The following TRAK2 variants were observed in gnomAD, a reference collection of about 807,000 sequenced individuals.
TRAK2 encodes trafficking kinesin protein 2, also known as trafficking kinesin-binding protein 2.
Under a neutral mutation model 104.6 loss-of-function variants are expected in TRAK2, and 81 were observed. That is an observed-to-expected ratio of 0.77 (90% CI 0.65 to 0.93). The LOEUF (loss-of-function observed/expected upper bound fraction) is 0.93. TRAK2 is among the 40% of genes least tolerant of loss of function. The pLI is 0.00. For missense variants in TRAK2, 1,002 were observed against 1,089.0 expected, an observed-to-expected ratio of 0.92 and a Z score of 1.12; for synonymous variants, 406 against 394.4, an observed-to-expected ratio of 1.03 and a Z score of -0.35.
At position 201,426,824 on chromosome 2, in the gene TRAK2, T is replaced by C. The variant is rs550993786; in HGVS notation, c.-199-6118A>G. 3.3e-5 allele frequency among the ~76,000 whole-genome samples: 5 copies of C among 152,332 alleles called. No individual in the cohort carries two copies. In the South Asian group the frequency reaches 1.0e-3, roughly 32 times the overall value. Reference sequence around the variant, plus strand: ...TTCCTGGAGACTTTTTAGATCTAAATAAGCCCTTTGGACATGCCCTGTCTA... The same window carrying C: ...TTCCTGGAGACTTTTTAGATCTAAACAAGCCCTTTGGACATGCCCTGTCTA... On this transcript the variant is annotated intron_variant, in intron 1 of 15. Transcript: ENST00000332624.
At chr2:201,430,413 C>A (rs1416964646) in intron 1 of TRAK2, among the ~76,000 whole-genome samples, 2 of 152,244 alleles carry the variant, frequency 1.3e-5, no homozygotes, top group Non-Finnish European at 2.9e-5. Context: ...TTCAGCTATG[C>A]CCTGTCCCCA....
intron 1 of TRAK2, among the ~76,000 whole-genome samples, chr2:201,449,876 T>C (rs1032369378): frequency 2.0e-5 from 3 of 151,988 alleles, no homozygotes; most frequent in Non-Finnish European, 4.4e-5. Context: ...TTCCTTTCAG[T>C]AGAGACGGGT....
Position 201,381,176 on chromosome 2 carries a change from A to C in TRAK2, c.2112T>G (p.Ser704Arg). Residue 704 changes from serine to arginine, a missense_variant, in exon 16 of 16, where the codon AGT becomes AGG. Physicochemically the swap from Ser to Arg is moderately radical, Grantham distance 110. Coordinates refer to ENST00000332624, the MANE Select transcript of TRAK2 (RefSeq NM_015049.3). ...PSLSCGSSGSSSSNTAVNSPA... is the reference protein window; with the variant it reads ...PSLSCGSSGSRSSNTAVNSPA... ...GAGAATTCACAGCCGTGTTGGATGAACTGCTACCGCTACTTCCACAGGATA... is the reference window on the plus strand; with the variant it reads ...GAGAATTCACAGCCGTGTTGGATGACCTGCTACCGCTACTTCCACAGGATA... 1 of 1,613,740 alleles carries C rather than the reference A, an allele frequency of 6.2e-7. No homozygotes were observed. The highest frequency in any genetic ancestry group is 8.5e-7 in the Non-Finnish European group (1 of 1,179,834).
At chr2:201,410,979 T>C (rs1393719816) in intron 2 of TRAK2, 3 of 1,520,436 alleles carry the variant, frequency 2.0e-6, no homozygotes, top group South Asian at 1.1e-5. Context: ...AACGGGCATG[T>C]TGAATCCTGA....
At chr2:201,436,009 G>C (rs1951877861) in intron 1 of TRAK2, among the ~76,000 whole-genome samples, 1 of 152,042 alleles carries the variant, frequency 6.6e-6, no homozygotes. Flanking sequence ...TGACACTTGG[G>C]TTAGACATAT....
intron 4 of TRAK2, among the ~76,000 whole-genome samples, chr2:201,399,999 G>C (rs1332373253): frequency 6.6e-6 from 1 of 152,072 alleles, no homozygotes; most frequent in Non-Finnish European, 1.5e-5. Context: ...GCAGCTTAGA[G>C]GGAAGTGCAG....
At position 201,380,793 on chromosome 2, in the gene TRAK2, A is replaced by G. The variant is rs1182578030; in HGVS notation, c.2495T>C (p.Met832Thr). 1 of 1,614,118 alleles carries G rather than the reference A, an allele frequency of 6.2e-7. No homozygotes were observed. The highest frequency in any genetic ancestry group is 1.1e-5 in the South Asian group (1 of 91,078). Residue 832 changes from methionine (M) to threonine (T), a missense_variant, in exon 16 of 16, where the codon ATG (methionine) becomes ACG (threonine). Physicochemically the swap from Met to Thr is moderately conservative, Grantham distance 81 (BLOSUM62 -1). Coordinates refer to ENST00000332624, the MANE Select transcript of TRAK2 (RefSeq NM_015049.3). Reference sequence around the variant, plus strand: ...TCTCTTCAGCCTGTCCACTAAGTTCATCTTCAACTGGCCAACATCAGGAGG... The same window carrying G: ...TCTCTTCAGCCTGTCCACTAAGTTCGTCTTCAACTGGCCAACATCAGGAGG... ...RNPPDVGQLK[M>T]NLVDRLKRLG...
intron 12 of TRAK2, among the ~76,000 whole-genome samples, chr2:201,388,938 A>T (rs1435570567): frequency 6.6e-6 from 1 of 152,258 alleles, no homozygotes; most frequent in East Asian, 1.9e-4. Context: ...CTGAATTAAT[A>T]AAAGGAATGA....
chr2:201,427,698 G>A (rs1030631155), intron 1 of TRAK2, among the ~76,000 whole-genome samples: 5 of 152,096 alleles, frequency 3.3e-5, no homozygotes, highest in East Asian at 1.9e-4. Context: ...GTAATGGGAC[G>A]GCTGGGTCAA....
intron 2 of TRAK2, among the ~76,000 whole-genome samples, chr2:201,420,216 A>G (rs985546545): frequency 6.6e-6 from 1 of 152,208 alleles, no homozygotes; most frequent in Non-Finnish European, 1.5e-5. Context: ...CGACATAGAC[A>G]GGAAATAACA....
intron 1 of TRAK2, among the ~76,000 whole-genome samples, chr2:201,425,536 G>A (rs1371429655): frequency 2.0e-5 from 3 of 152,028 alleles, no homozygotes; most frequent in Admixed American, 6.6e-5. Context: ...CAAGTAGCTC[G>A]TATTACAGCT....
intron 1 of TRAK2, among the ~76,000 whole-genome samples, chr2:201,441,867 T>C (rs1388438478): frequency 6.6e-6 from 1 of 151,448 alleles, no homozygotes; most frequent in African/African-American, 2.4e-5. Flanking sequence ...AATTTTTGTA[T>C]TTTTAGTAGA....
At chr2:201,416,226 TAAAAAAAAAAA>T (rs11398184) in intron 2 of TRAK2, among the ~76,000 whole-genome samples, 2 of 90,864 alleles carry the variant, frequency 2.2e-5, no homozygotes, top group African/African-American at 8.6e-5. Context: ...GACTCTACAT[TAAAAAAAAAAA>T]AAAAAAAAAG....
intron 14 of TRAK2, among the ~76,000 whole-genome samples, chr2:201,385,746 A>T (rs550785257): frequency 2.0e-5 from 3 of 152,366 alleles, no homozygotes; most frequent in South Asian, 2.1e-4. Flanking sequence ...GCTATTTTGT[A>T]TTAAGTCAAA....
chr2:201,413,033 G>A (rs1320495920), intron 2 of TRAK2: 1 of 782,046 alleles, frequency 1.3e-6, no homozygotes, highest in Non-Finnish European at 2.3e-6. Flanking sequence ...TTGAAGTCGA[G>A]TTAAGTGTTG....
At chr2:201,398,894 C>A (rs2125646137) in intron 5 of TRAK2, among the ~76,000 whole-genome samples, 1 of 152,138 alleles carries the variant, frequency 6.6e-6, no homozygotes, top group East Asian at 1.9e-4. Flanking sequence ...ATAAAAATAA[C>A]AAGTTACAGA....
chr2:201,402,427 CAA>C (rs1158709562), intron 3 of TRAK2, among the ~76,000 whole-genome samples: 1 of 151,980 alleles, frequency 6.6e-6, no homozygotes, highest in Non-Finnish European at 1.5e-5. Context: ...AAAAGTAAAA[CAA>C]AGTGCTGGCT....
chr2:201,431,916 T>A (rs1413758782), intron 1 of TRAK2, among the ~76,000 whole-genome samples: 1 of 152,176 alleles, frequency 6.6e-6, no homozygotes, highest in Non-Finnish European at 1.5e-5. Flanking sequence ...ACTAAGTGAA[T>A]TATGACAGGA....
Position 201,381,236 on chromosome 2 carries a change from A to T in TRAK2, c.2070-18T>A. ...ACCCAGAGCTTAAAAAAAAAAAAAAAAAGTGGGAGACAGTGTTTAAGAATA... is the reference window on the plus strand; with the variant it reads ...ACCCAGAGCTTAAAAAAAAAAAAAATAAGTGGGAGACAGTGTTTAAGAATA... On this transcript the variant is annotated intron_variant, in intron 15 of 15. Coordinates refer to ENST00000332624, the MANE Select transcript of TRAK2 (RefSeq NM_015049.3). 6.4e-7 allele frequency: 1 copy of T among 1,566,476 alleles called. No individual in the cohort carries two copies. The highest frequency in any genetic ancestry group is 8.6e-7 in the Non-Finnish European group (1 of 1,157,424).
Sources: gnomAD v4.1 joint callset for allele counts (sites outside exome capture counted in the v4.1 genomes callset) on GRCh38, gnomAD v4.1.1 for gene constraint, MANE v1.5 for transcripts, NCBI Gene and HGNC (gene_info 2026-07-23, HGNC 2026-07-21) for gene names.